NTRK2: variants seen among roughly 807,000 people sequenced by gnomAD.
NTRK2 encodes BDNF/NT-3 growth factors receptor.
NTRK2 carries 13 observed loss-of-function variants against 94.5 expected under a neutral mutation model. The ratio of observed to expected loss-of-function variants is 0.14; its 90% CI spans 0.09 to 0.22. The LOEUF (loss-of-function observed/expected upper bound fraction) is 0.22, where lower values mean the gene tolerates loss of function less well. NTRK2 is among the 10% of genes least tolerant of loss of function. The pLI, the probability that NTRK2 is intolerant of heterozygous loss-of-function variation, is 1.00. For missense variants in NTRK2, 639 were observed against 1,071.2 expected (o/e 0.60, Z 5.63); for synonymous variants, 372 against 407.4 (o/e 0.91, Z 1.05).
chr9:84,745,148 T>G (rs1175851738), intron 11 of NTRK2, 75 bp downstream of exon 11: 4 of 964,528 alleles, frequency 4.1e-6, no homozygotes. Context: ...ATGTAGCTGC[T>G]TCAATAAGAC....
At chr9:84,676,110 A>G (rs1329496678) in intron 2 of NTRK2, among the ~76,000 whole-genome samples, 1 of 152,224 alleles carries the variant, frequency 6.6e-6, no homozygotes, top group Non-Finnish European at 1.5e-5. Context: ...TCCCAATGTC[A>G]CCACTACCCA....
intron 12 of NTRK2, among the ~76,000 whole-genome samples, chr9:84,840,488 G>A (rs924478918): frequency 2.0e-4 from 30 of 151,858 alleles, no homozygotes; most frequent in African/African-American, 4.3e-4. Context: ...CCCCAGGACC[G>A]CCCTCCCCAT....
At chr9:84,986,483 C>T (rs1828321030) in intron 17 of NTRK2, among the ~76,000 whole-genome samples, 1 of 152,188 alleles carries the variant, frequency 6.6e-6, no homozygotes, top group Non-Finnish European at 1.5e-5. Context: ...AGGCGGACCC[C>T]AGGCAGTAAT....
rs752011080 is a variant in NTRK2, at chr9:84,702,165, C to T, written c.219C>T (p.Ile73=). The change falls in exon 3 of 19, where the codon ATC becomes ATT. Residue 73 remains isoleucine (I), a synonymous_variant. Transcript: ENST00000277120. Reference sequence around the variant, plus strand: ...ACTCTCTGCTTTGTTACAGTTTCATCGCAAACCAGAAAAGGTTAGAAATCA... The same window carrying T: ...ACTCTCTGCTTTGTTACAGTTTCATTGCAAACCAGAAAAGGTTAGAAATCA... ...VDPENITEIF[I]ANQKRLEIIN... is the part of the protein sequence containing the mutation. The T allele has an allele frequency of 8.7e-6, 14 of 1,613,804 alleles. No homozygotes were observed. The highest frequency in any genetic ancestry group is 2.2e-5 in the South Asian group (2 of 91,048).
chr9:84,907,816 G>T (rs2077120765), intron 14 of NTRK2, among the ~76,000 whole-genome samples: 1 of 150,628 alleles, frequency 6.6e-6, no homozygotes, highest in Non-Finnish European at 1.5e-5. Flanking sequence ...ATTTTAGAAT[G>T]CATTTGAATA....
intron 12 of NTRK2, among the ~76,000 whole-genome samples, chr9:84,773,995 C>G (rs1342129115): frequency 6.6e-6 from 1 of 152,198 alleles, no homozygotes; most frequent in Non-Finnish European, 1.5e-5. Context: ...AACGTCAAGT[C>G]TGCCTCAGGA....
intron 10 of NTRK2, among the ~76,000 whole-genome samples, chr9:84,743,700 T>C (rs1410462334): frequency 6.6e-6 from 1 of 152,216 alleles, no homozygotes; most frequent in Non-Finnish European, 1.5e-5. Flanking sequence ...AGATCCTACT[T>C]TGGATCTTTT....
rs1564296379 is a variant in NTRK2, at chr9:84,797,543, A to ATATATATATTATATATACTATATAT, written c.1396+45484_1396+45508dup. Among the ~76,000 whole-genome samples the ATATATATATTATATATACTATATAT allele has an allele frequency of 2.0e-4, 13 of 66,306 alleles. 1 individual carries two copies. The highest frequency in any genetic ancestry group is 1.1e-3 in the South Asian group (3 of 2,632). The allele number at this position is 66,306 out of a possible 152,430, so 43.5% of individuals were successfully genotyped here. A position where few individuals can be genotyped will look rare whatever the true frequency, so the allele number is the denominator to read the frequency against. On this transcript the variant is annotated intron_variant, in intron 12 of 18. Transcript: ENST00000277120. ...TTATTACTATAATAATGTATATATA[A>ATATATATATTATATATACTATATAT]TATATATATTATATATACTATATAT...
At chr9:85,013,356 G>A (rs1463621976) in intron 17 of NTRK2, among the ~76,000 whole-genome samples, 3 of 152,162 alleles carry the variant, frequency 2.0e-5, no homozygotes, top group Non-Finnish European at 2.9e-5. Flanking sequence ...AGGCTGGAAT[G>A]CAGTGGCGTG....
chr9:84,774,062 C>A (rs2066804691), intron 12 of NTRK2, among the ~76,000 whole-genome samples: 1 of 152,176 alleles, frequency 6.6e-6, no homozygotes, highest in African/African-American at 2.4e-5. Context: ...GGTTTCATTT[C>A]TTCCTTTGTT....
intron 6 of NTRK2, among the ~76,000 whole-genome samples, chr9:84,714,833 A>G (rs2061614910): frequency 6.6e-6 from 1 of 152,160 alleles, no homozygotes; most frequent in Admixed American, 6.5e-5. Context: ...TTTTGGGGGT[A>G]AAACTTTTTA....
chr9:84,874,440 T>C, intron 14 of NTRK2: 2 of 1,065,882 alleles, frequency 1.9e-6, no homozygotes, highest in Non-Finnish European at 2.3e-6. Context: ...CCACCGTAGC[T>C]GGGCTTCTTC....
intron 17 of NTRK2, among the ~76,000 whole-genome samples, chr9:84,980,408 A>G (rs1827440482): frequency 6.6e-6 from 1 of 152,184 alleles, no homozygotes; most frequent in African/African-American, 2.4e-5. Flanking sequence ...GGCTTGAAAA[A>G]TATGAACATT....
intron 12 of NTRK2, among the ~76,000 whole-genome samples, chr9:84,820,233 G>A (rs971288316): frequency 4.1e-5 from 6 of 148,004 alleles, no homozygotes; most frequent in Non-Finnish European, 7.4e-5. Flanking sequence ...GCAGTGGTGC[G>A]ATCTCTGCTC....
At chr9:84,989,123 C>T (rs1263883296) in intron 17 of NTRK2, among the ~76,000 whole-genome samples, 2 of 152,174 alleles carry the variant, frequency 1.3e-5, no homozygotes, top group Non-Finnish European at 2.9e-5. Flanking sequence ...CAAGAAAAGG[C>T]TTGTAGGACT....
chr9:84,876,430 C>T, intron 14 of NTRK2: 11 of 1,054,702 alleles, frequency 1.0e-5, no homozygotes, highest in Non-Finnish European at 1.3e-5. Context: ...ACTCCCCTTC[C>T]CTGCAACACC....
chr9:84,901,849 A>C (rs1046068461), intron 14 of NTRK2, among the ~76,000 whole-genome samples: 1 of 152,066 alleles, frequency 6.6e-6, no homozygotes, highest in Non-Finnish European at 1.5e-5. Flanking sequence ...CCTTACATTG[A>C]AGTGTAGATG....
intron 14 of NTRK2, among the ~76,000 whole-genome samples, chr9:84,922,520 G>C (rs938486639): frequency 6.6e-6 from 1 of 152,160 alleles, no homozygotes; most frequent in Non-Finnish European, 1.5e-5. Context: ...TTTCTATAGG[G>C]AGAGACTGTG....
intron 17 of NTRK2, among the ~76,000 whole-genome samples, chr9:85,000,762 T>C (rs1830250069): frequency 6.6e-6 from 1 of 152,202 alleles, no homozygotes; most frequent in East Asian, 1.9e-4. Flanking sequence ...TTTCAATTCC[T>C]TTTGGGTAAA....
Sources: allele counts gnomAD v4.1 joint callset (sites outside exome capture counted in the v4.1 genomes callset), GRCh38; gene constraint gnomAD v4.1.1; transcripts MANE v1.5; gene names NCBI Gene and HGNC (gene_info 2026-07-23, HGNC 2026-07-21).